The following ATP2B2 variants were observed in gnomAD, a reference collection of about 807,000 sequenced individuals.
The protein encoded by ATP2B2 is ATPase plasma membrane Ca2+ transporting 2.
Under a neutral mutation model 120.0 loss-of-function variants are expected in ATP2B2, and 15 were observed. The observed-to-expected ratio is 0.12, with a 90% CI of 0.08 to 0.19. ATP2B2 has a LOEUF of 0.19. Among genes scored for constraint, ATP2B2 ranks in the 10% least tolerant of loss-of-function variants. The probability of loss-of-function intolerance (pLI) is 1.00; values close to 1 mark genes in which losing one functional copy is unlikely to be tolerated. For missense variants in ATP2B2, 1,045 were observed against 1,719.8 expected (o/e 0.61, Z 6.94); for synonymous variants, 694 against 700.3 (o/e 0.99, Z 0.14).
chr3:10,441,820 C>T (rs1446331065), intron 2 of ATP2B2, among the ~76,000 whole-genome samples: 1 of 152,164 alleles, frequency 6.6e-6, no homozygotes, highest in Non-Finnish European at 1.5e-5. Context: ...TGGAGATGTT[C>T]CATCAGTTCT....
intron 2 of ATP2B2, among the ~76,000 whole-genome samples, chr3:10,549,796 G>A (rs140718492): frequency 4.2e-4 from 64 of 152,212 alleles, no homozygotes; most frequent in African/African-American, 1.5e-3. Context: ...GGGAGCTCTC[G>A]GAGTCCAGGG....
chr3:10,587,995 C>A (rs942500609), intron 2 of ATP2B2, among the ~76,000 whole-genome samples: 1 of 152,286 alleles, frequency 6.6e-6, no homozygotes, highest in South Asian at 2.1e-4. Flanking sequence ...AAAATAAGAA[C>A]CTTCAGCAAT....
intron 1 of ATP2B2, among the ~76,000 whole-genome samples, chr3:10,488,174 TACCCACCCATCTATC>T (rs2065771923): frequency 1.2e-5 from 1 of 85,636 alleles, no homozygotes; most frequent in South Asian, 4.4e-4. Flanking sequence ...TCCATCCATC[TACCCACCCATCTATC>T]CATCCACCCA....
intron 2 of ATP2B2, among the ~76,000 whole-genome samples, chr3:10,585,923 A>C (rs184382808): frequency 6.6e-6 from 1 of 151,712 alleles, no homozygotes; most frequent in Admixed American, 6.6e-5. Context: ...GACTCTCCAA[A>C]CTCTCTGTTT....
rs180873784 is a variant in ATP2B2, at chr3:10,398,059, C to T, written c.781+2894G>A. Among the ~76,000 whole-genome samples the T allele has an allele frequency of 2.4e-3, 366 of 152,338 alleles. 2 individuals carry two copies. The highest frequency in any genetic ancestry group is 3.2e-3 in the Non-Finnish European group (218 of 68,030). The stretch of plus-strand genomic sequence containing the variant: ...GCCAAGGAGCTTCACTTTCTTCCAT[C>T]TGGTTCATCCTGTGTCCTGTGATCA... On this transcript the variant is annotated intron_variant, in intron 5 of 22. Coordinates refer to ENST00000360273, the MANE Select transcript of ATP2B2 (RefSeq NM_001001331.4).
At chr3:10,593,674 A>G (rs1381606441) in intron 2 of ATP2B2, among the ~76,000 whole-genome samples, 1 of 152,188 alleles carries the variant, frequency 6.6e-6, no homozygotes, top group East Asian at 1.9e-4. Context: ...CATGTCTAAA[A>G]CTCCAAAAGC....
At position 10,633,322 on chromosome 3, in the gene ATP2B2, T is replaced by C. The variant is rs544070978; in HGVS notation, c.-459-13361A>G. On this transcript the variant is annotated intron_variant, in intron 1 of 21. Coordinates refer to the ATP2B2 transcript ENST00000646379. ...CTTCCAAAAGGTTTCCACACCAGGG[T>C]TGCCATCCACTGATGCAATAACAGC... Among the ~76,000 whole-genome samples, 33 of 152,322 alleles carry C rather than the reference T, an allele frequency of 2.2e-4. No homozygotes were observed. In the South Asian group the frequency reaches 6.4e-3, roughly 30 times the overall value.
intron 1 of ATP2B2, among the ~76,000 whole-genome samples, chr3:10,693,548 C>A (rs1031518396): frequency 6.6e-6 from 1 of 152,236 alleles, no homozygotes; most frequent in Non-Finnish European, 1.5e-5. Context: ...GGCTCCTTTG[C>A]TATTTTTAAA....
rs1018650598 is a variant in ATP2B2 at position 10,551,110 on chromosome 3, T to A, written c.-414-16977A>T. Among the ~76,000 whole-genome samples the A allele has an allele frequency of 4.6e-5, 7 of 152,310 alleles. No individual in the cohort carries two copies. In the East Asian group the frequency reaches 1.3e-3, roughly 29 times the overall value. ...TGGGCGAATGTTTTACGAAGGGGAC[T>A]CCAGCCAGAGACAGCAGGGCATACC... On this transcript the variant is annotated intron_variant, in intron 2 of 21. Coordinates refer to the ATP2B2 transcript ENST00000646379.
chr3:10,616,530 G>A (rs1160020992), intron 2 of ATP2B2, among the ~76,000 whole-genome samples: 2 of 152,208 alleles, frequency 1.3e-5, no homozygotes, highest in Non-Finnish European at 2.9e-5. Context: ...CTCAAAGCCA[G>A]CTCCCTCAGA....
At chr3:10,360,837 C>T (rs1411664448) in intron 12 of ATP2B2, among the ~76,000 whole-genome samples, 1 of 152,150 alleles carries the variant, frequency 6.6e-6, no homozygotes, top group Non-Finnish European at 1.5e-5. Context: ...TTAATGTGGC[C>T]ACCACCACTG....
Position 10,456,135 on chromosome 3 carries a change from T to A in ATP2B2, c.-319-6273A>T, listed in dbSNP as rs1469269379. Among the ~76,000 whole-genome samples the A allele has an allele frequency of 3.3e-5, 5 of 152,258 alleles. 1 individual carries two copies. Among genetic ancestry groups the A allele is most frequent in the African/African-American group, 2.4e-5 (1 of 41,538 alleles). On this transcript the variant is annotated intron_variant, in intron 1 of 22. Coordinates refer to ENST00000360273, the MANE Select transcript of ATP2B2 (RefSeq NM_001001331.4). ...TGGAGTTAATTTAACAAAGAAGGAA[T>A]CTATCTTTCGAAGGAAGAATAAAAA...
chr3:10,545,947 C>T (rs149052104), intron 2 of ATP2B2, among the ~76,000 whole-genome samples: 48 of 152,222 alleles, frequency 3.2e-4, no homozygotes, highest in African/African-American at 8.9e-4. Context: ...TCAATTCACA[C>T]GATTCCAACA....
At chr3:10,610,354 T>C (rs1450519375) in intron 2 of ATP2B2, among the ~76,000 whole-genome samples, 1 of 151,862 alleles carries the variant, frequency 6.6e-6, no homozygotes, top group Non-Finnish European at 1.5e-5. Context: ...ATACTATCCA[T>C]CCCAGTTCCC....
chr3:10,639,619 T>C (rs925072777), intron 1 of ATP2B2, among the ~76,000 whole-genome samples: 1 of 151,958 alleles, frequency 6.6e-6, no homozygotes, highest in Admixed American at 6.6e-5. Context: ...TTTTGAGGGG[T>C]CACAAACATT....
In ATP2B2 at chr3:10,481,391, G is replaced by A. The variant is rs553299373; in HGVS notation, c.-320+24074C>T. On this transcript the variant is annotated intron_variant, in intron 1 of 22. Coordinates refer to ENST00000360273, the MANE Select transcript of ATP2B2 (RefSeq NM_001001331.4). Reference sequence around the variant, plus strand: ...CTGCCCTGTTTCCTCTGCATGGAGTGCTCTTCCCCCAGATGTCTGCACGTT... The same window carrying A: ...CTGCCCTGTTTCCTCTGCATGGAGTACTCTTCCCCCAGATGTCTGCACGTT... Among the ~76,000 whole-genome samples, 9 of 151,794 alleles carry A rather than the reference G, an allele frequency of 5.9e-5. No homozygotes were observed. The South Asian group carries it at 1.9e-3, about 32-fold the overall frequency.
At position 10,518,777 on chromosome 3, in the gene ATP2B2, C is replaced by T. The variant is rs1331406441; in HGVS notation, c.-320+15262G>A. Among the ~76,000 whole-genome samples, 6 of 152,218 alleles carry T rather than the reference C, an allele frequency of 3.9e-5. No homozygotes were observed. The South Asian group carries it at 6.2e-4, about 16-fold the overall frequency. ...TCCTTTCACTACCCCTGCCCTGCCC[C>T]GGGCCCCGCTTTCACCGGCAGGTGC... On this transcript the variant is annotated intron_variant, in intron 3 of 21. Transcript: ENST00000646379.
At chr3:10,386,574 C>T (rs374299000) in intron 6 of ATP2B2, 62 bp from the exon 7 acceptor site, 103 of 1,561,568 alleles carry the variant, frequency 6.6e-5, no homozygotes, top group Admixed American at 3.3e-4. Context: ...TCTGCCCATG[C>T]GCACGCGCAC....
At chr3:10,332,146 A>C in intron 22 of ATP2B2, 1 of 909,816 alleles carries the variant, frequency 1.1e-6, no homozygotes, top group Non-Finnish European at 1.8e-6. Flanking sequence ...TTAGTTACCA[A>C]AACGCTAATG....
Sources: allele counts gnomAD v4.1 joint callset (sites outside exome capture counted in the v4.1 genomes callset), GRCh38; gene constraint gnomAD v4.1.1; transcripts MANE v1.5; gene names NCBI Gene and HGNC (gene_info 2026-07-23, HGNC 2026-07-21).